RBFOX1: variants seen among roughly 807,000 people sequenced by gnomAD.
The protein encoded by RBFOX1 is RNA binding fox-1 homolog 1, also known as RNA binding protein fox-1 homolog 1.
Under a neutral mutation model 57.7 loss-of-function variants are expected in RBFOX1, and 8 were observed. The ratio of observed to expected loss-of-function variants is 0.14; its 90% CI spans 0.08 to 0.25. The LOEUF (loss-of-function observed/expected upper bound fraction) is 0.25, where lower values mean the gene tolerates loss of function less well. RBFOX1 is among the 10% of genes least tolerant of loss of function. The pLI is 1.00. For synonymous variants in RBFOX1, 326 were observed against 222.4 expected, an observed-to-expected ratio of 1.47 and a Z score of -4.15; for missense variants, 611 against 548.5, an observed-to-expected ratio of 1.11 and a Z score of -1.14.
At chr16:6,996,113 C>G (rs1363091330) in intron 3 of RBFOX1, among the ~76,000 whole-genome samples, 3 of 152,162 alleles carry the variant, frequency 2.0e-5, no homozygotes, top group South Asian at 4.2e-4. Context: ...GTTTTCATGT[C>G]AAGAACATTT....
In RBFOX1 at chr16:6,226,369, G is replaced by C. The variant is rs1483888409; in HGVS notation, c.-126-90626G>C. Among the ~76,000 whole-genome samples the C allele has an allele frequency of 7.6e-5, 4 of 52,980 alleles. No individual in the cohort carries two copies. In the Admixed American group the frequency reaches 1.5e-3, roughly 19 times the overall value. 34.8% of individuals were successfully genotyped at this position (52,980 alleles called of 152,430 possible). On this transcript the variant is annotated intron_variant, in intron 1 of 15. Coordinates refer to ENST00000550418, the MANE Select transcript of RBFOX1 (RefSeq NM_018723.4). ...GCCTCGGCAACAAGAGTGAAACTCTGTCTCCAAAAAAAAAAAAAAAAACAA... is the reference window on the plus strand; with the variant it reads ...GCCTCGGCAACAAGAGTGAAACTCTCTCTCCAAAAAAAAAAAAAAAAACAA...
At chr16:5,952,871 C>T (rs1297945604) in intron 4 of RBFOX1, among the ~76,000 whole-genome samples, 1 of 152,128 alleles carries the variant, frequency 6.6e-6, no homozygotes, top group Non-Finnish European at 1.5e-5. Context: ...GTTATCAGAC[C>T]TCTGCCTCTG....
chr16:7,306,953 A>T (rs1364659037), intron 4 of RBFOX1, among the ~76,000 whole-genome samples: 1 of 152,202 alleles, frequency 6.6e-6, no homozygotes, highest in Non-Finnish European at 1.5e-5. Flanking sequence ...TCTCTAGCTA[A>T]TTTTGGTGAA....
chr16:7,271,840 A>G (rs1346192253), intron 4 of RBFOX1, among the ~76,000 whole-genome samples: 1 of 151,984 alleles, frequency 6.6e-6, no homozygotes, highest in African/African-American at 2.4e-5. Context: ...AAAATCTCAA[A>G]GCTATGGCCA....
intron 1 of RBFOX1, among the ~76,000 whole-genome samples, chr16:6,144,807 C>G (rs1308788453): frequency 6.6e-6 from 1 of 152,196 alleles, no homozygotes; most frequent in Non-Finnish European, 1.5e-5. Context: ...GTTTTTGATG[C>G]TTGACATTTG....
intron 2 of RBFOX1, among the ~76,000 whole-genome samples, chr16:6,319,237 G>T (rs1423788289): frequency 6.6e-6 from 1 of 152,014 alleles, no homozygotes; most frequent in Non-Finnish European, 1.5e-5. Context: ...TCTGAATCCA[G>T]GTTTTGATAT....
chr16:7,564,562 A>T (rs1362059139), intron 5 of RBFOX1, among the ~76,000 whole-genome samples: 1 of 134,630 alleles, frequency 7.4e-6, no homozygotes, highest in Non-Finnish European at 1.7e-5. Context: ...AAAAAAAAAA[A>T]AAAAAAGGCA....
chr16:5,397,053 G>T (rs2066579406), intron 1 of RBFOX1, among the ~76,000 whole-genome samples: 1 of 152,170 alleles, frequency 6.6e-6, no homozygotes, highest in Admixed American at 6.5e-5. Flanking sequence ...GTCATAATAG[G>T]CTCTGGGGAA....
At chr16:7,302,799 T>G (rs894526881) in intron 4 of RBFOX1, among the ~76,000 whole-genome samples, 2 of 151,448 alleles carry the variant, frequency 1.3e-5, no homozygotes, top group Admixed American at 1.3e-4. Flanking sequence ...ATATTTTCTT[T>G]CGATTTGCAG....
At chr16:6,173,110 A>T (rs2096974090) in intron 1 of RBFOX1, among the ~76,000 whole-genome samples, 1 of 152,062 alleles carries the variant, frequency 6.6e-6, no homozygotes, top group Admixed American at 6.6e-5. Flanking sequence ...ATTAAGACTA[A>T]TTTTTCCCAT....
chr16:5,315,209 C>T (rs1181031409), intron 1 of RBFOX1, among the ~76,000 whole-genome samples: 6 of 152,146 alleles, frequency 3.9e-5, no homozygotes, highest in Non-Finnish European at 8.8e-5. Context: ...AGGGAAGATG[C>T]CAGAGAGGAA....
chr16:5,337,105 C>T (rs80197375), intron 1 of RBFOX1, among the ~76,000 whole-genome samples: 1,892 of 152,234 alleles, frequency 0.012, 46 homozygotes, highest in African/African-American at 0.042. Flanking sequence ...GAAGAGATGG[C>T]CGGCTGGGGA....
intron 4 of RBFOX1, among the ~76,000 whole-genome samples, chr16:5,920,461 A>C (rs1717141596): frequency 6.6e-6 from 1 of 152,102 alleles, no homozygotes; most frequent in South Asian, 2.1e-4. Flanking sequence ...TCGTGGGTGT[A>C]TACCTAGGAG....
chr16:5,957,844 G>A (rs1035824581), intron 4 of RBFOX1, among the ~76,000 whole-genome samples: 47 of 152,086 alleles, frequency 3.1e-4, no homozygotes, highest in African/African-American at 1.1e-3. Context: ...TTAGTTATTT[G>A]GAAATGTACA....
In RBFOX1 at chr16:5,454,901, TC is replaced by T. The variant is rs879691859; in HGVS notation, c.220-12314del. Among the ~76,000 whole-genome samples, 687 of 120,030 alleles carry T rather than the reference TC, an allele frequency of 5.7e-3. 30 individuals carry two copies. The highest frequency in any genetic ancestry group is 7.8e-3 in the Non-Finnish European group (437 of 56,334). The allele number at this position is 120,030 out of a possible 152,430, so 78.7% of individuals were successfully genotyped here. On this transcript the variant is annotated intron_variant, in intron 1 of 2. Transcript: ENST00000585867. Reference sequence around the variant, plus strand: ...TTCTTTCTTTCTTTCTTTCTTTCTTTCTTTCTTTCTTTCCTTTGTTTCTTTC... The same window carrying T: ...TTCTTTCTTTCTTTCTTTCTTTCTTTTTTCTTTCTTTCCTTTGTTTCTTTC...
At chr16:7,338,049 A>G (rs1050839176) in intron 4 of RBFOX1, among the ~76,000 whole-genome samples, 1 of 152,098 alleles carries the variant, frequency 6.6e-6, no homozygotes, top group Non-Finnish European at 1.5e-5. Context: ...CTTTTAAAGT[A>G]TTATTTTATT....
chr16:6,485,814 C>T (rs923461284), intron 2 of RBFOX1, among the ~76,000 whole-genome samples: 1 of 152,098 alleles, frequency 6.6e-6, no homozygotes, highest in African/African-American at 2.4e-5. Context: ...AAAATCTTAT[C>T]CTTCAAACTT....
At chr16:6,933,702 G>A (rs561373162) in intron 3 of RBFOX1, among the ~76,000 whole-genome samples, 7 of 152,358 alleles carry the variant, frequency 4.6e-5, no homozygotes, top group African/African-American at 9.6e-5. Flanking sequence ...GGGACAGCAC[G>A]AGACTGCGTC....
At chr16:7,043,694 GA>G (rs1471241830) in intron 3 of RBFOX1, among the ~76,000 whole-genome samples, 1 of 152,188 alleles carries the variant, frequency 6.6e-6, no homozygotes, top group Non-Finnish European at 1.5e-5. Context: ...TTGTGGACAT[GA>G]AAACATGAAC....
Sources: allele counts gnomAD v4.1 joint callset (sites outside exome capture counted in the v4.1 genomes callset), GRCh38; gene constraint gnomAD v4.1.1; transcripts MANE v1.5; gene names NCBI Gene and HGNC (gene_info 2026-07-23, HGNC 2026-07-21).